BRINP3: variants seen among roughly 807,000 people sequenced by gnomAD.
BRINP3 encodes the protein BMP/retinoic acid-inducible neural-specific protein 3.
BRINP3 carries 19 observed loss-of-function variants against 71.0 expected under a neutral mutation model. The ratio of observed to expected loss-of-function variants is 0.27; its 90% CI spans 0.19 to 0.39. The LOEUF (loss-of-function observed/expected upper bound fraction) is 0.39. Ranked by LOEUF, BRINP3 falls within the 10% of genes least tolerant of loss-of-function variation. The probability of loss-of-function intolerance (pLI) is 1.00; values close to 1 mark genes in which losing one functional copy is unlikely to be tolerated. For missense variants in BRINP3, 959 were observed against 940.8 expected (o/e 1.02, Z -0.25); for synonymous variants, 380 against 337.7 (o/e 1.13, Z -1.37).
intron 2 of BRINP3, among the ~76,000 whole-genome samples, chr1:190,395,290 T>C (rs1037431169): frequency 6.6e-6 from 1 of 151,628 alleles, no homozygotes; most frequent in Admixed American, 6.6e-5. Context: ...CTTAATGTAA[T>C]GAAAAACATG....
intron 2 of BRINP3, among the ~76,000 whole-genome samples, chr1:190,412,330 A>T (rs972834690): frequency 6.0e-5 from 9 of 150,396 alleles, no homozygotes; most frequent in Non-Finnish European, 1.0e-4. Context: ...GAAATTTAAA[A>T]ATCATATACT....
chr1:190,379,547 G>T (rs1313639923), intron 2 of BRINP3, among the ~76,000 whole-genome samples: 2 of 152,092 alleles, frequency 1.3e-5, no homozygotes, highest in Non-Finnish European at 2.9e-5. Context: ...CATGAGAAAA[G>T]CCAGGAAAAC....
At chr1:190,210,796 G>T (rs934490336) in intron 6 of BRINP3, among the ~76,000 whole-genome samples, 1 of 152,022 alleles carries the variant, frequency 6.6e-6, no homozygotes, top group African/African-American at 2.4e-5. Context: ...TTGAGTCAGC[G>T]GACTGGGAGA....
intron 2 of BRINP3, among the ~76,000 whole-genome samples, chr1:190,373,434 A>ATGTGTGTG (rs71123087): frequency 1.7e-4 from 25 of 143,920 alleles, no homozygotes; most frequent in Non-Finnish European, 3.0e-4. Context: ...ATATATATAT[A>ATGTGTGTG]TGTGTGTGTG....
chr1:190,101,250 C>A (rs1571696307), intron 7 of BRINP3, among the ~76,000 whole-genome samples: 1 of 152,134 alleles, frequency 6.6e-6, no homozygotes, highest in Non-Finnish European at 1.5e-5. Flanking sequence ...CAAAAATTCT[C>A]CCAAAAGTAT....
rs145518538 is a variant in BRINP3, at chr1:190,120,004, T to C, written c.1185-20870A>G. Among the ~76,000 whole-genome samples, 18 of 152,350 alleles carry C rather than the reference T, an allele frequency of 1.2e-4. No homozygotes were observed. In the East Asian group the frequency reaches 3.3e-3, roughly 28 times the overall value. On this transcript the variant is annotated intron_variant, in intron 7 of 7. Coordinates refer to ENST00000367462, the MANE Select transcript of BRINP3 (RefSeq NM_199051.3). ...AGTTGAGTCCATCACATCTAGCAAG[T>C]AGATATGGTACTTCTCTGTTTCCTT...
chr1:190,371,979 G>A (rs1571885743), intron 2 of BRINP3, among the ~76,000 whole-genome samples: 1 of 152,052 alleles, frequency 6.6e-6, no homozygotes, highest in East Asian at 1.9e-4. Context: ...ATGTTAAAAT[G>A]GCACAGGATG....
At chr1:190,113,145 TA>T (rs1652835236) in intron 7 of BRINP3, among the ~76,000 whole-genome samples, 5 of 152,056 alleles carry the variant, frequency 3.3e-5, no homozygotes, top group Admixed American at 3.3e-4. Context: ...TTTAAGATAA[TA>T]AAAAAGCAAT....
chr1:190,460,119 T>C (rs1329595928), intron 1 of BRINP3, among the ~76,000 whole-genome samples: 1 of 151,942 alleles, frequency 6.6e-6, no homozygotes, highest in Non-Finnish European at 1.5e-5. Context: ...CTGAAGCTTA[T>C]AAATGTAAAA....
At chr1:190,202,894 G>T (rs1263947515) in intron 6 of BRINP3, among the ~76,000 whole-genome samples, 1 of 151,998 alleles carries the variant, frequency 6.6e-6, no homozygotes, top group East Asian at 1.9e-4. Flanking sequence ...CATGAAAATG[G>T]CCTAATACAG....
chr1:190,412,542 A>C (rs1277506921), intron 2 of BRINP3, among the ~76,000 whole-genome samples: 2 of 143,036 alleles, frequency 1.4e-5, no homozygotes, highest in Non-Finnish European at 3.0e-5. Flanking sequence ...GGCTCACTGC[A>C]AGCTCCGCCT....
chr1:190,392,831 G>T (rs1316771827), intron 2 of BRINP3, among the ~76,000 whole-genome samples: 1 of 151,536 alleles, frequency 6.6e-6, no homozygotes. Context: ...GCTTAAAACA[G>T]TAATTAGCAT....
At chr1:190,209,600 G>A (rs1446841744) in intron 6 of BRINP3, among the ~76,000 whole-genome samples, 1 of 152,058 alleles carries the variant, frequency 6.6e-6, no homozygotes, top group African/African-American at 2.4e-5. Flanking sequence ...TGACAACTTT[G>A]TATTATGTAT....
chr1:190,184,198 T>C (rs1653299358), intron 6 of BRINP3, among the ~76,000 whole-genome samples: 1 of 152,158 alleles, frequency 6.6e-6, no homozygotes, highest in South Asian at 2.1e-4. Context: ...TTTACATAGA[T>C]TGTAATAGTT....
intron 4 of BRINP3, among the ~76,000 whole-genome samples, chr1:190,243,570 T>C (rs1202802556): frequency 6.6e-6 from 1 of 152,124 alleles, no homozygotes; most frequent in Non-Finnish European, 1.5e-5. Flanking sequence ...GCTGGGCTAA[T>C]GAGTTTTCTG....
chr1:190,241,070 A>T (rs930080426), intron 4 of BRINP3, among the ~76,000 whole-genome samples: 1 of 152,160 alleles, frequency 6.6e-6, no homozygotes, highest in African/African-American at 2.4e-5. Context: ...TATACACAGT[A>T]CTGGGCACAT....
At chr1:190,405,343 C>G (rs1432913964) in intron 2 of BRINP3, among the ~76,000 whole-genome samples, 4 of 150,540 alleles carry the variant, frequency 2.7e-5, no homozygotes, top group Non-Finnish European at 5.9e-5. Context: ...CCCAGCTACT[C>G]GGGAGGCTGA....
chr1:190,371,744 A>G (rs1187287505), intron 2 of BRINP3, among the ~76,000 whole-genome samples: 1 of 152,158 alleles, frequency 6.6e-6, no homozygotes, highest in Non-Finnish European at 1.5e-5. Context: ...CATTGAATCT[A>G]TAAATCATGT....
At chr1:190,354,325 T>C (rs981240195) in intron 2 of BRINP3, among the ~76,000 whole-genome samples, 16 of 152,026 alleles carry the variant, frequency 1.1e-4, no homozygotes, top group African/African-American at 3.9e-4. Context: ...CAGGGACTCT[T>C]CTAAACAAAC....
Sources: allele counts gnomAD v4.1 joint callset (sites outside exome capture counted in the v4.1 genomes callset), GRCh38; gene constraint gnomAD v4.1.1; transcripts MANE v1.5; gene names NCBI Gene and HGNC (gene_info 2026-07-23, HGNC 2026-07-21).